The following AUTS2 variants were observed in gnomAD, a reference collection of about 807,000 sequenced individuals.
AUTS2 encodes the protein activator of transcription and developmental regulator AUTS2, also known as autism susceptibility gene 2 protein.
AUTS2 carries 17 observed loss-of-function variants against 112.4 expected under a neutral mutation model. The ratio of observed to expected loss-of-function variants is 0.15; its 90% CI spans 0.10 to 0.23. The LOEUF (loss-of-function observed/expected upper bound fraction) is 0.23, where lower values mean the gene tolerates loss of function less well. Among genes scored for constraint, AUTS2 ranks in the 10% least tolerant of loss-of-function variants. The pLI, the probability that AUTS2 is intolerant of heterozygous loss-of-function variation, is 1.00. For missense variants in AUTS2, 1,510 were observed against 1,701.6 expected (o/e 0.89, Z 1.98); for synonymous variants, 751 against 702.7 (o/e 1.07, Z -1.09).
At chr7:69,948,204 A>C (rs755184328) in intron 2 of AUTS2, among the ~76,000 whole-genome samples, 6 of 152,194 alleles carry the variant, frequency 3.9e-5, no homozygotes, top group Admixed American at 6.5e-5. Context: ...GTGGATAAGC[A>C]AGTGGAGTGG....
chr7:70,166,917 C>G (rs899032892), intron 4 of AUTS2, among the ~76,000 whole-genome samples: 1 of 152,138 alleles, frequency 6.6e-6, no homozygotes, highest in Non-Finnish European at 1.5e-5. Context: ...GGATGGAAAA[C>G]AGTATGTCAT....
At chr7:70,132,164 T>TAAAA (rs200482728) in intron 3 of AUTS2, among the ~76,000 whole-genome samples, 5 of 102,588 alleles carry the variant, frequency 4.9e-5, no homozygotes, top group Non-Finnish European at 8.0e-5. Flanking sequence ...TCTTTTCCCT[T>TAAAA]AAAAAAAAAA....
chr7:70,711,395 A>G (rs1810042288), intron 6 of AUTS2, among the ~76,000 whole-genome samples: 1 of 152,208 alleles, frequency 6.6e-6, no homozygotes, highest in Non-Finnish European at 1.5e-5. Flanking sequence ...CCTAGCACCT[A>G]ACTGACAAAA....
intron 4 of AUTS2, among the ~76,000 whole-genome samples, chr7:70,417,254 A>T (rs1437745341): frequency 6.6e-6 from 1 of 152,234 alleles, no homozygotes; most frequent in Non-Finnish European, 1.5e-5. Flanking sequence ...GCCCAGCAGC[A>T]GATGGAGGCA....
At chr7:70,708,080 A>T (rs1317574258) in intron 6 of AUTS2, among the ~76,000 whole-genome samples, 1 of 152,304 alleles carries the variant, frequency 6.6e-6, no homozygotes, top group Admixed American at 6.5e-5. Flanking sequence ...GGAGGCAGTT[A>T]TATTTGGATG....
chr7:70,158,364 A>T (rs1807894524), intron 4 of AUTS2, among the ~76,000 whole-genome samples: 1 of 152,154 alleles, frequency 6.6e-6, no homozygotes. Context: ...AAAAATTATG[A>T]TGATGACTGG....
At chr7:70,785,260 C>A (rs767078452) in intron 16 of AUTS2, 4 of 613,250 alleles carry the variant, frequency 6.5e-6, no homozygotes, top group Non-Finnish European at 1.2e-5. Flanking sequence ...TCTGCCTGAA[C>A]TTCCCATGGT....
At chr7:69,920,477 G>A (rs1010161478) in intron 2 of AUTS2, among the ~76,000 whole-genome samples, 5 of 151,840 alleles carry the variant, frequency 3.3e-5, no homozygotes, top group Non-Finnish European at 7.4e-5. Flanking sequence ...GGGGAGGCAG[G>A]GTTTTTCCAT....
intron 1 of AUTS2, among the ~76,000 whole-genome samples, chr7:69,601,289 C>T (rs749742976): frequency 2.6e-5 from 4 of 151,696 alleles, no homozygotes; most frequent in Non-Finnish European, 5.9e-5. Context: ...AAACTTTTCC[C>T]TTTCCATTTT....
chr7:70,213,741 A>G (rs572153222), intron 4 of AUTS2, among the ~76,000 whole-genome samples: 31 of 152,080 alleles, frequency 2.0e-4, no homozygotes, highest in Non-Finnish European at 3.4e-4. Context: ...CTCTTAAGGG[A>G]TCTTAGGAAG....
intron 4 of AUTS2, among the ~76,000 whole-genome samples, chr7:70,326,935 T>TTTG (rs1790515990): frequency 1.3e-5 from 2 of 150,210 alleles, no homozygotes; most frequent in South Asian, 4.3e-4. Flanking sequence ...TTTTTTTTTT[T>TTTG]GTGACGGAAT....
At chr7:69,722,165 A>T (rs1365516728) in intron 1 of AUTS2, among the ~76,000 whole-genome samples, 1 of 151,832 alleles carries the variant, frequency 6.6e-6, no homozygotes, top group South Asian at 2.1e-4. Flanking sequence ...AAAAAAAAAA[A>T]TAAAAAGCAA....
chr7:70,046,123 T>G (rs1449525092), intron 2 of AUTS2, among the ~76,000 whole-genome samples: 1 of 152,182 alleles, frequency 6.6e-6, no homozygotes, highest in Non-Finnish European at 1.5e-5. Context: ...TATGAGGAAA[T>G]ATTGACTGGA....
chr7:70,670,983 C>A (rs895257132), intron 5 of AUTS2, among the ~76,000 whole-genome samples: 1 of 152,098 alleles, frequency 6.6e-6, no homozygotes, highest in Non-Finnish European at 1.5e-5. Flanking sequence ...ACCAGCCTGG[C>A]CAACATGGTG....
At chr7:69,939,330 C>G (rs1318763027) in intron 2 of AUTS2, among the ~76,000 whole-genome samples, 2 of 152,182 alleles carry the variant, frequency 1.3e-5, no homozygotes, top group Admixed American at 6.5e-5. Flanking sequence ...ATGTCACACT[C>G]TCTTTAGGCT....
chr7:70,643,287 T>C (rs753053669), intron 5 of AUTS2, among the ~76,000 whole-genome samples: 7 of 152,180 alleles, frequency 4.6e-5, no homozygotes, highest in East Asian at 1.9e-4. Flanking sequence ...ATGTGCCTAA[T>C]CTAGGCCAGG....
intron 1 of AUTS2, among the ~76,000 whole-genome samples, chr7:69,870,846 T>C (rs960369585): frequency 6.6e-6 from 1 of 152,182 alleles, no homozygotes; most frequent in Non-Finnish European, 1.5e-5. Flanking sequence ...AATGTTGCTT[T>C]AAGTGAGGAA....
chr7:70,426,368 C>A (rs754893750), intron 4 of AUTS2, among the ~76,000 whole-genome samples: 3 of 152,174 alleles, frequency 2.0e-5, no homozygotes, highest in Admixed American at 2.0e-4. Flanking sequence ...TAAACGAGGA[C>A]GGTTGCTCCA....
At chr7:69,810,612 A>C (rs1790506531) in intron 1 of AUTS2, among the ~76,000 whole-genome samples, 1 of 152,058 alleles carries the variant, frequency 6.6e-6, no homozygotes, top group South Asian at 2.1e-4. Flanking sequence ...TTTTGAGGGA[A>C]AGAGAGAGAA....
Sources: gnomAD v4.1 joint callset for allele counts (sites outside exome capture counted in the v4.1 genomes callset) on GRCh38, gnomAD v4.1.1 for gene constraint, MANE v1.5 for transcripts, NCBI Gene and HGNC (gene_info 2026-07-23, HGNC 2026-07-21) for gene names.